The following RAB19 variants were observed in gnomAD, a reference collection of about 807,000 sequenced individuals.
The protein encoded by RAB19 is ras-related protein Rab-19.
A neutral mutation model predicts 17.3 loss-of-function variants in RAB19; 21 were observed. That is an observed-to-expected ratio of 1.21 (90% CI 0.86 to 1.74). RAB19 has a LOEUF of 1.74. Ranked by LOEUF, RAB19 falls within the 40% of genes most tolerant of loss-of-function variation. The pLI, the probability that RAB19 is intolerant of heterozygous loss-of-function variation, is 0.00. For synonymous variants in RAB19, 126 were observed against 110.4 expected, an observed-to-expected ratio of 1.14 and a Z score of -0.88; for missense variants, 277 against 286.8, an observed-to-expected ratio of 0.97 and a Z score of 0.25.
chr7:140,416,954 G>A (rs1456238285), intron 3 of RAB19, among the ~76,000 whole-genome samples: 2 of 151,808 alleles, frequency 1.3e-5, no homozygotes, highest in African/African-American at 2.4e-5. Flanking sequence ...AGCCGGGTGC[G>A]GTGACTCACA....
rs188484591 is a variant in RAB19, at chr7:140,424,771, G to A, written c.386-1111G>A. On this transcript the variant is annotated intron_variant, in intron 3 of 3. Transcript: ENST00000537763. Reference sequence around the variant, plus strand: ...GGTTTAAACATGTTTTATGGAAGAAGGGGGAATTATGGAAAAAAATATCTA... The same window carrying A: ...GGTTTAAACATGTTTTATGGAAGAAAGGGGAATTATGGAAAAAAATATCTA... Among the ~76,000 whole-genome samples, 6 of 151,418 alleles carry A rather than the reference G, an allele frequency of 4.0e-5. No individual in the cohort carries two copies. In the East Asian group the frequency reaches 1.2e-3, roughly 29 times the overall value.
rs4725696 is a variant in RAB19, at chr7:140,426,802, T to C, written c.*652T>C. ...TAGCAGGGCTGACTTGGCCACCCTC[T>C]TGGGATAGGGGAAGACACCTGCAAT... On this transcript the variant is annotated 3_prime_UTR_variant, in exon 4 of 4. Transcript: ENST00000537763. Among the ~76,000 whole-genome samples, 88,973 of 150,830 alleles carry C rather than the reference T, an allele frequency of 0.59. 26,599 individuals are homozygous for C. The highest frequency in any genetic ancestry group is 0.72 in the East Asian group (3,692 of 5,122).
In RAB19 at chr7:140,427,555, G is replaced by T. The variant is rs1799692385; in HGVS notation, c.*1405G>T. 6.7e-6 allele frequency among the ~76,000 whole-genome samples: 1 copy of T among 149,044 alleles called. No individual in the cohort carries two copies. Among genetic ancestry groups the T allele is most frequent in the South Asian group, 2.1e-4 (1 of 4,664 alleles). On this transcript the variant is annotated 3_prime_UTR_variant, in exon 4 of 4. Transcript: ENST00000537763. ...CAACTTCTGCCTTCCAGATTCAAGT[G>T]ATTCTCCTGCCTCAACCTCCCTAGT...
intron 3 of RAB19, among the ~76,000 whole-genome samples, chr7:140,415,326 C>T (rs1349464996): frequency 1.3e-5 from 2 of 152,042 alleles, no homozygotes; most frequent in African/African-American, 4.8e-5. Context: ...CCACACACCT[C>T]GCCTCCCAAA....
chr7:140,409,519 A>G (rs1026458771), intron 2 of RAB19, among the ~76,000 whole-genome samples: 1 of 151,802 alleles, frequency 6.6e-6, no homozygotes, highest in Admixed American at 6.6e-5. Context: ...ACGGGGGGAA[A>G]CCCCATCTCT....
At position 140,425,943 on chromosome 7, in the gene RAB19, T is replaced by C. The variant is rs373556406; in HGVS notation, c.447T>C (p.Ala149=). The change falls in exon 4 of 4, where the codon GCT becomes GCC. Residue 149 remains alanine, a synonymous_variant. Coordinates refer to ENST00000537763, the MANE Select transcript of RAB19 (RefSeq NM_001008749.3). The part of the protein sequence containing the change: ...HVLFEDACTL[A]EKYGLLAVLE... Reference sequence around the variant, plus strand: ...TGTTCGAGGATGCCTGCACACTGGCTGAGAAGTACGGCCTCCTGGCCGTTT... The same window carrying C: ...TGTTCGAGGATGCCTGCACACTGGCCGAGAAGTACGGCCTCCTGGCCGTTT... 1.9e-6 allele frequency: 3 copies of C among 1,614,206 alleles called. No homozygotes were observed.
chr7:140,426,053 A>G lies in RAB19; in HGVS notation c.557A>G (p.His186Arg). 1.2e-6 allele frequency: 2 copies of G among 1,614,116 alleles called. No individual in the cohort carries two copies. The highest frequency in any genetic ancestry group is 4.5e-5 in the East Asian group (2 of 44,868). Residue 186 changes from histidine (H) to arginine (R), a missense_variant, in exon 4 of 4, where the codon CAC becomes CGC. His to Arg is a conservative substitution (Grantham distance 29). Coordinates refer to ENST00000537763, the MANE Select transcript of RAB19 (RefSeq NM_001008749.3). ...AKELIARNSL[H>R]LYGESALNGL... The stretch of plus-strand genomic sequence containing the variant: ...GAGCTGATCGCGCGCAACAGCCTGC[A>G]CCTATATGGGGAGAGTGCCCTGAAC...
At position 140,427,141 on chromosome 7, in the gene RAB19, C is replaced by CTTTT. The variant is rs34940659; in HGVS notation, c.*1009_*1012dup. Among the ~76,000 whole-genome samples, 10 of 94,416 alleles carry CTTTT rather than the reference C, an allele frequency of 1.1e-4. No homozygotes were observed. Among genetic ancestry groups the CTTTT allele is most frequent in the East Asian group, 3.4e-4 (1 of 2,904 alleles). 61.9% of individuals were successfully genotyped at this position (94,416 alleles called of 152,430 possible). On this transcript the variant is annotated 3_prime_UTR_variant, in exon 4 of 4. Coordinates refer to ENST00000537763, the MANE Select transcript of RAB19 (RefSeq NM_001008749.3). ...ACAGGCATGAGCCACCATGCCTGTTCTTTTTTTTTTTTTTTTTTTTTGAGA... is the reference window on the plus strand; with the variant it reads ...ACAGGCATGAGCCACCATGCCTGTTCTTTTTTTTTTTTTTTTTTTTTTTTTGAGA...
At chr7:140,407,959 G>A (rs1312373545) in intron 2 of RAB19, 112 bp downstream of exon 2, 2 of 838,564 alleles carry the variant, frequency 2.4e-6, no homozygotes, top group African/African-American at 1.8e-5. Flanking sequence ...CCGCCTCCCG[G>A]GTTCATGCCA....
rs71543373 is a variant in RAB19, at chr7:140,405,978, C to T, written c.-23-1646C>T. Reference sequence around the variant, plus strand: ...TATTTTCCAGCCGGGCATGGTGGCTCATGCCTGTAATCCCAACACTTTGGG... The same window carrying T: ...TATTTTCCAGCCGGGCATGGTGGCTTATGCCTGTAATCCCAACACTTTGGG... On this transcript the variant is annotated intron_variant, in intron 1 of 3. Transcript: ENST00000537763. Among the ~76,000 whole-genome samples, 1,309 of 152,110 alleles carry T rather than the reference C, an allele frequency of 8.6e-3. 8 individuals are homozygous for T. The highest frequency in any genetic ancestry group is 0.014 in the Non-Finnish European group (963 of 67,990).
chr7:140,427,035 T>A lies in RAB19; in HGVS notation c.*885T>A, dbSNP rs1004788439. On this transcript the variant is annotated 3_prime_UTR_variant, in exon 4 of 4. Transcript: ENST00000537763. ...TTTTGTATTTTTTGTAGAGACAAGG[T>A]TTCACCATGTTGCTCAGGCTGATCT... Among the ~76,000 whole-genome samples, 1 of 151,610 alleles carries A rather than the reference T, an allele frequency of 6.6e-6. No individual in the cohort carries two copies. The highest frequency in any genetic ancestry group is 1.5e-5 in the Non-Finnish European group (1 of 67,934).
intron 3 of RAB19, among the ~76,000 whole-genome samples, chr7:140,412,527 AT>A (rs377451819): frequency 1.5e-3 from 211 of 141,720 alleles, no homozygotes; most frequent in East Asian, 3.9e-3. Context: ...TGCCCAGCCC[AT>A]TTTTTTTTTT....
chr7:140,405,502 G>A (rs1028033019), intron 1 of RAB19, among the ~76,000 whole-genome samples: 14 of 151,636 alleles, frequency 9.2e-5, no homozygotes, highest in Admixed American at 5.9e-4. Flanking sequence ...GATTACAGGT[G>A]TGAGCCACTG....
intron 3 of RAB19, among the ~76,000 whole-genome samples, chr7:140,423,770 C>T (rs539992399): frequency 3.9e-5 from 6 of 152,186 alleles, no homozygotes; most frequent in South Asian, 2.1e-4. Context: ...AAGGAATCTA[C>T]GCATGTGATC....
chr7:140,409,419 G>C (rs965413691), intron 2 of RAB19, among the ~76,000 whole-genome samples: 7 of 151,902 alleles, frequency 4.6e-5, no homozygotes, highest in Admixed American at 2.0e-4. Context: ...AAACTGCCAG[G>C]CACGGTGGCT....
intron 3 of RAB19, among the ~76,000 whole-genome samples, chr7:140,418,575 C>CT (rs1340806059): frequency 7.0e-6 from 1 of 143,870 alleles, no homozygotes; most frequent in East Asian, 2.0e-4. Flanking sequence ...GACTCTGTCT[C>CT]TTAAAAAAAA....
At chr7:140,417,635 A>G (rs879547915) in intron 3 of RAB19, among the ~76,000 whole-genome samples, 1 of 152,268 alleles carries the variant, frequency 6.6e-6, no homozygotes, top group Non-Finnish European at 1.5e-5. Flanking sequence ...GCTGTAACCA[A>G]CTGCCACGAG....
intron 2 of RAB19, chr7:140,410,916 G>A (rs931761433): frequency 7.3e-7 from 1 of 1,365,690 alleles, no homozygotes; most frequent in Non-Finnish European, 9.8e-7. Flanking sequence ...TAATTTGGGA[G>A]GTATTATTGT....
rs1054470940 is a variant in RAB19, at chr7:140,426,245, C to A, written c.*95C>A. The A allele has an allele frequency of 6.9e-6, 10 of 1,442,876 alleles. No homozygotes were observed. Among genetic ancestry groups the A allele is most frequent in the Middle Eastern group, 2.5e-4 (1 of 4,050 alleles). The allele number at this position is 1,442,876 out of a possible 1,614,324, so 89.4% of individuals were successfully genotyped here. ...AGTGTTGCCCCAGTGGCGCTTTAGA[C>A]CCCAGCGTGGACTTGCCGCTCACCC... On this transcript the variant is annotated 3_prime_UTR_variant, in exon 4 of 4. Transcript: ENST00000537763.
Sources: gnomAD v4.1 joint callset for allele counts (sites outside exome capture counted in the v4.1 genomes callset) on GRCh38, gnomAD v4.1.1 for gene constraint, MANE v1.5 for transcripts, NCBI Gene and HGNC (gene_info 2026-07-23, HGNC 2026-07-21) for gene names.